Variants in DOCK1 observed in about 807,000 individuals in gnomAD.
DOCK1 encodes dedicator of cytokinesis protein 1.
A neutral mutation model predicts 262.7 loss-of-function variants in DOCK1; 138 were observed. The observed-to-expected ratio is 0.53, with a 90% CI of 0.46 to 0.61. DOCK1 has a LOEUF of 0.61. Ranked by LOEUF, DOCK1 falls within the 20% of genes least tolerant of loss-of-function variation. The pLI is 0.00. For missense variants in DOCK1, 1,908 were observed against 2,370.7 expected, an observed-to-expected ratio of 0.80 and a Z score of 4.05; for synonymous variants, 866 against 867.4, an observed-to-expected ratio of 1.00 and a Z score of 0.03.
chr10:127,087,845 C>T (rs1288958713), intron 23 of DOCK1, among the ~76,000 whole-genome samples: 1 of 152,182 alleles, frequency 6.6e-6, no homozygotes, highest in Non-Finnish European at 1.5e-5. Context: ...GACTCTCACC[C>T]TGGACTTCCT....
chr10:126,978,085 C>T, intron 3 of DOCK1, 97 bp downstream of exon 3: 2 of 1,208,970 alleles, frequency 1.7e-6, no homozygotes, highest in Non-Finnish European at 2.4e-6. Context: ...GGTTTTACTT[C>T]TATATCTCTT....
At chr10:127,389,451 G>A (rs1010112786) in intron 38 of DOCK1, among the ~76,000 whole-genome samples, 1 of 152,142 alleles carries the variant, frequency 6.6e-6, no homozygotes, top group Admixed American at 6.5e-5. Flanking sequence ...TAATTATCTT[G>A]GGGGAAAAAT....
At chr10:127,337,571 C>T (rs142488428) in intron 29 of DOCK1, among the ~76,000 whole-genome samples, 118 of 152,266 alleles carry the variant, frequency 7.7e-4, no homozygotes, top group African/African-American at 2.5e-3. Flanking sequence ...GGCAACCCTG[C>T]GGCTGAGGAA....
intron 4 of DOCK1, among the ~76,000 whole-genome samples, chr10:126,987,167 G>A (rs965321348): frequency 2.0e-5 from 3 of 152,248 alleles, no homozygotes; most frequent in South Asian, 2.1e-4. Context: ...GTAATTTATG[G>A]CATCTTTAAG....
intron 23 of DOCK1, among the ~76,000 whole-genome samples, chr10:127,084,443 G>T (rs959591988): frequency 2.6e-5 from 4 of 152,094 alleles, no homozygotes; most frequent in African/African-American, 9.7e-5. Context: ...CTGTCCTCAG[G>T]GTGTCTGAGC....
chr10:127,399,167 A>G (rs565881115), intron 38 of DOCK1, among the ~76,000 whole-genome samples: 1 of 152,314 alleles, frequency 6.6e-6, no homozygotes, highest in African/African-American at 2.4e-5. Context: ...AAATTGGATT[A>G]AGGATTTCGC....
chr10:127,366,044 G>A (rs2064887544), intron 33 of DOCK1, among the ~76,000 whole-genome samples: 1 of 152,034 alleles, frequency 6.6e-6, no homozygotes, highest in Admixed American at 6.5e-5. Context: ...GCCGTGCTTG[G>A]ATGTATGTAA....
chr10:127,320,384 C>T (rs1050664278), intron 29 of DOCK1, among the ~76,000 whole-genome samples: 4 of 152,198 alleles, frequency 2.6e-5, no homozygotes, highest in African/African-American at 7.2e-5. Flanking sequence ...GGAGCAGTTG[C>T]GTAAGTCCTT....
chr10:127,008,124 G>T (rs1249193323), intron 10 of DOCK1, among the ~76,000 whole-genome samples: 1 of 151,970 alleles, frequency 6.6e-6, no homozygotes, highest in Admixed American at 6.6e-5. Flanking sequence ...TTGTGGCAGG[G>T]TCTCACTCTG....
intron 29 of DOCK1, among the ~76,000 whole-genome samples, chr10:127,328,074 G>T (rs1197812205): frequency 7.0e-6 from 1 of 142,568 alleles, no homozygotes; most frequent in Non-Finnish European, 1.5e-5. Flanking sequence ...TGTGGACAAC[G>T]TCACCACCTG....
intron 43 of DOCK1, among the ~76,000 whole-genome samples, chr10:127,412,836 G>C (rs76194275): frequency 0.054 from 8,268 of 152,342 alleles, 279 homozygotes; most frequent in Non-Finnish European, 0.072. Flanking sequence ...GGAGCACAAA[G>C]GAGCTTGGAG....
chr10:127,180,498 G>A (rs2055621812), intron 27 of DOCK1, among the ~76,000 whole-genome samples: 1 of 152,166 alleles, frequency 6.6e-6, no homozygotes, highest in Non-Finnish European at 1.5e-5. Context: ...TGTTTGGCTC[G>A]AGAGAGCTAG....
chr10:127,040,256 A>G (rs1429368417), intron 19 of DOCK1, among the ~76,000 whole-genome samples: 1 of 152,250 alleles, frequency 6.6e-6, no homozygotes, highest in Non-Finnish European at 1.5e-5. Context: ...AAAGTGGTAC[A>G]GATCCACATA....
At chr10:127,413,856 C>G (rs530013362) in intron 43 of DOCK1, among the ~76,000 whole-genome samples, 1 of 152,296 alleles carries the variant, frequency 6.6e-6, no homozygotes, top group Non-Finnish European at 1.5e-5. Context: ...TCCCTTTCCT[C>G]CTATGGAACG....
rs527964379 is a variant in DOCK1 at position 127,140,575 on chromosome 10, C to T, written c.2847+12811C>T. Among the ~76,000 whole-genome samples, 3 of 145,842 alleles carry T rather than the reference C, an allele frequency of 2.1e-5. No individual in the cohort carries two copies. In the East Asian group the frequency reaches 6.3e-4, roughly 31 times the overall value. ...ATAATGTGCATTGTTCTGGACACTG[C>T]TTCCTGCTCAAGGACTTTTCTTGGG... On this transcript the variant is annotated intron_variant, in intron 27 of 51. Coordinates refer to ENST00000623213, the MANE Select transcript of DOCK1 (RefSeq NM_001290223.2).
chr10:127,176,484 G>T lies in DOCK1; in HGVS notation c.2847+48720G>T. ...GGCCGCACAAACTTTTAGCCACCAC[G>T]ACGACTGCCTGTTTCCTAATTATAT... On this transcript the variant is annotated intron_variant, in intron 27 of 51. Coordinates refer to ENST00000623213, the MANE Select transcript of DOCK1 (RefSeq NM_001290223.2). The surrounding 1 kb of genome is among the most constrained non-coding windows in gnomAD (Gnocchi z 4.4). The T allele has an allele frequency of 9.1e-7, 1 of 1,104,308 alleles. No homozygotes were observed. The highest frequency in any genetic ancestry group is 1.3e-6 in the Non-Finnish European group (1 of 772,308). 68.4% of individuals were successfully genotyped at this position (1,104,308 alleles called of 1,614,324 possible). A position where few individuals can be genotyped will look rare whatever the true frequency, so the allele number is the denominator to read the frequency against.
intron 1 of DOCK1, among the ~76,000 whole-genome samples, chr10:126,938,705 T>C (rs1320874942): frequency 6.6e-6 from 1 of 151,978 alleles, no homozygotes; most frequent in Non-Finnish European, 1.5e-5. Flanking sequence ...GGCTGCTCCC[T>C]GCTTCCAAAA....
chr10:127,373,347 A>G (rs1420263482), intron 33 of DOCK1, among the ~76,000 whole-genome samples: 1 of 151,988 alleles, frequency 6.6e-6, no homozygotes, highest in Non-Finnish European at 1.5e-5. Context: ...AGTGGCCCCT[A>G]GGATGTTTTC....
At chr10:127,313,812 A>G (rs2062156162) in intron 29 of DOCK1, among the ~76,000 whole-genome samples, 1 of 152,164 alleles carries the variant, frequency 6.6e-6, no homozygotes, top group African/African-American at 2.4e-5. Context: ...GATTTCATCT[A>G]GAACTACAGC....
Sources: gnomAD v4.1 joint callset for allele counts (sites outside exome capture counted in the v4.1 genomes callset) on GRCh38, gnomAD v4.1.1 for gene constraint, Gnocchi (gnomAD v3.1) non-coding constraint, MANE v1.5 for transcripts, NCBI Gene and HGNC (gene_info 2026-07-23, HGNC 2026-07-21) for gene names.